The following PRKG1 variants were observed in gnomAD, a reference collection of about 807,000 sequenced individuals.
The protein encoded by PRKG1 is protein kinase cGMP-dependent 1.
In PRKG1, 35 loss-of-function variants were observed where a neutral mutation model predicts 88.1. The ratio of observed to expected loss-of-function variants is 0.40; its 90% CI spans 0.30 to 0.53. The LOEUF is 0.53. Ranked by LOEUF, PRKG1 falls within the 20% of genes least tolerant of loss-of-function variation. The pLI is 0.59. For synonymous variants in PRKG1, 303 were observed against 292.5 expected (o/e 1.04, Z -0.37); for missense variants, 540 against 839.8 (o/e 0.64, Z 4.41).
At chr10:51,420,840 T>C (rs1213989657) in intron 2 of PRKG1, among the ~76,000 whole-genome samples, 2 of 152,124 alleles carry the variant, frequency 1.3e-5, no homozygotes, top group Non-Finnish European at 2.9e-5. Flanking sequence ...CTTCCAATCA[T>C]GGTAGAAGCT....
chr10:51,074,469 C>A, upstream of PRKG1: 3 of 1,469,994 alleles, frequency 2.0e-6, no homozygotes, highest in Non-Finnish European at 2.7e-6. Flanking sequence ...GCTTTGGTCT[C>A]AAGTAGGAAG....
intron 2 of PRKG1, among the ~76,000 whole-genome samples, chr10:51,459,940 T>A (rs1006134072): frequency 6.6e-5 from 10 of 152,132 alleles, no homozygotes; most frequent in African/African-American, 2.4e-4. Flanking sequence ...TTGGTGGAAG[T>A]TAATATGATA....
At chr10:51,439,387 T>C (rs1018352441) in intron 2 of PRKG1, among the ~76,000 whole-genome samples, 1 of 151,878 alleles carries the variant, frequency 6.6e-6, no homozygotes, top group African/African-American at 2.4e-5. Flanking sequence ...TGCCTCACTG[T>C]AGATTCCAGC....
intron 4 of PRKG1, among the ~76,000 whole-genome samples, chr10:51,894,622 A>G (rs1453858155): frequency 6.6e-6 from 1 of 152,214 alleles, no homozygotes; most frequent in East Asian, 1.9e-4. Flanking sequence ...CTCTTGAATC[A>G]GGGTATCCAA....
intron 5 of PRKG1, among the ~76,000 whole-genome samples, chr10:51,926,472 A>G (rs1439312456): frequency 6.6e-6 from 1 of 152,204 alleles, no homozygotes; most frequent in African/African-American, 2.4e-5. Context: ...GCTGCTGAAC[A>G]GTTTATTCCG....
At chr10:51,372,749 A>AT (rs1418196683) in intron 2 of PRKG1, among the ~76,000 whole-genome samples, 7 of 152,140 alleles carry the variant, frequency 4.6e-5, no homozygotes, top group Admixed American at 4.6e-4. Context: ...TTGAGATATA[A>AT]TTTTATCAAA....
chr10:51,180,629 A>C (rs1238508288), intron 2 of PRKG1, among the ~76,000 whole-genome samples: 2 of 152,172 alleles, frequency 1.3e-5, no homozygotes, highest in African/African-American at 4.8e-5. Context: ...TGTGAATTTC[A>C]CCCTGCCTGC....
At chr10:51,942,353 C>T (rs1287245811) in intron 5 of PRKG1, among the ~76,000 whole-genome samples, 4 of 151,806 alleles carry the variant, frequency 2.6e-5, no homozygotes, top group Admixed American at 1.3e-4. Flanking sequence ...TAGATATTAG[C>T]CCTTTGTCAG....
At chr10:51,301,419 C>T (rs757450994) in intron 2 of PRKG1, among the ~76,000 whole-genome samples, 2 of 151,790 alleles carry the variant, frequency 1.3e-5, no homozygotes, top group Non-Finnish European at 2.9e-5. Context: ...TAATATAACT[C>T]CCCTAATTAT....
chr10:51,745,450 T>C (rs1354712875), intron 3 of PRKG1, among the ~76,000 whole-genome samples: 2 of 152,180 alleles, frequency 1.3e-5, no homozygotes, highest in Non-Finnish European at 2.9e-5. Context: ...ACACTTTAAA[T>C]ACAAAAGACT....
At chr10:51,280,794 T>C (rs1840273659) in intron 2 of PRKG1, among the ~76,000 whole-genome samples, 1 of 152,180 alleles carries the variant, frequency 6.6e-6, no homozygotes, top group Non-Finnish European at 1.5e-5. Context: ...TTTTAGCTTC[T>C]TTGCGATGGG....
intron 9 of PRKG1, among the ~76,000 whole-genome samples, chr10:52,218,089 G>A (rs1341699468): frequency 6.6e-6 from 1 of 151,612 alleles, no homozygotes; most frequent in Non-Finnish European, 1.5e-5. Flanking sequence ...GCACACGTCT[G>A]TAATCCCAGC....
chr10:51,563,538 T>G (rs1204264922), intron 3 of PRKG1, among the ~76,000 whole-genome samples: 1 of 152,056 alleles, frequency 6.6e-6, no homozygotes, highest in African/African-American at 2.4e-5. Flanking sequence ...ATTTCACATT[T>G]CAGCCTAAAG....
rs1433048297 is a variant in PRKG1, at chr10:51,205,127, C to CTTTCT, written c.478+51800_478+51801insCTTTT. 6.0e-3 allele frequency among the ~76,000 whole-genome samples: 387 copies of CTTTCT among 64,032 alleles called. 13 individuals carry two copies. The highest frequency in any genetic ancestry group is 8.5e-3 in the Non-Finnish European group (283 of 33,252). The allele number at this position is 64,032 out of a possible 152,430, so 42.0% of individuals were successfully genotyped here. A position where few individuals can be genotyped will look rare whatever the true frequency, so the allele number is the denominator to read the frequency against. On this transcript the variant is annotated intron_variant, in intron 2 of 17. Transcript: ENST00000373980. ...TAAGGAAGAATTTTCATTTTCTTTT[C>CTTTCT]TTTTTTTTTTTTTTTTTTTTTTTTT...
intron 14 of PRKG1, among the ~76,000 whole-genome samples, chr10:52,285,889 A>G (rs1283549116): frequency 1.6e-4 from 24 of 152,048 alleles, no homozygotes; most frequent in Admixed American, 1.6e-3. Context: ...CAGGCTTGGA[A>G]AATATAATGA....
chr10:51,930,030 A>C (rs1842656187), intron 5 of PRKG1, among the ~76,000 whole-genome samples: 1 of 152,118 alleles, frequency 6.6e-6, no homozygotes, highest in African/African-American at 2.4e-5. Context: ...CTTAGGTAGC[A>C]GCATGTCTAG....
intron 1 of PRKG1, among the ~76,000 whole-genome samples, chr10:51,043,511 A>G (rs1313746251): frequency 6.6e-6 from 1 of 152,068 alleles, no homozygotes; most frequent in African/African-American, 2.4e-5. Flanking sequence ...TATTTATTTA[A>G]TCCTGTAGTA....
At chr10:52,262,377 T>C (rs1272465292) in intron 10 of PRKG1, among the ~76,000 whole-genome samples, 2 of 152,128 alleles carry the variant, frequency 1.3e-5, no homozygotes, top group Non-Finnish European at 2.9e-5. Context: ...GTTCAAGCAA[T>C]TCTCCTGCCT....
chr10:51,404,306 T>A (rs1837842619), intron 2 of PRKG1, among the ~76,000 whole-genome samples: 2 of 152,248 alleles, frequency 1.3e-5, no homozygotes, highest in South Asian at 4.1e-4. Context: ...TGTCATGGTT[T>A]CTACATGCAT....
Sources: gnomAD v4.1 joint callset for allele counts (sites outside exome capture counted in the v4.1 genomes callset) on GRCh38, gnomAD v4.1.1 for gene constraint, MANE v1.5 for transcripts, NCBI Gene and HGNC (gene_info 2026-07-23, HGNC 2026-07-21) for gene names.